KLRG1: variants seen among roughly 807,000 people sequenced by gnomAD.
KLRG1 encodes killer cell lectin-like receptor subfamily G member 1.
A neutral mutation model predicts 21.8 loss-of-function variants in KLRG1; 16 were observed. The ratio of observed to expected loss-of-function variants is 0.73; its 90% CI spans 0.50 to 1.11. The LOEUF (loss-of-function observed/expected upper bound fraction) is 1.11, where lower values mean the gene tolerates loss of function less well. Among genes scored for constraint, KLRG1 ranks in the 50% most tolerant of loss-of-function variants. KLRG1 has a pLI of 0.00. For synonymous variants in KLRG1, 69 were observed against 75.9 expected (o/e 0.91, Z 0.47); for missense variants, 173 against 218.3 (o/e 0.79, Z 1.31).
At chr12:8,983,671 G>C (rs1438727917) in intron 1 of KLRG1, among the ~76,000 whole-genome samples, 1 of 152,170 alleles carries the variant, frequency 6.6e-6, no homozygotes, top group East Asian at 1.9e-4. Flanking sequence ...AAAGTGGTGG[G>C]ATTACAGCCG....
At chr12:8,991,318 G>A (rs1344796100) in intron 1 of KLRG1, among the ~76,000 whole-genome samples, 1 of 152,172 alleles carries the variant, frequency 6.6e-6, no homozygotes, top group Non-Finnish European at 1.5e-5. Flanking sequence ...ACATGAAGTA[G>A]TGTCCTATTC....
the KLRG1 span, chr12:9,112,768 C>T: frequency 1.2e-5 from 6 of 512,490 alleles, no homozygotes; most frequent in African/African-American, 3.8e-5. Context: ...GTGAGATTCA[C>T]ACCTTCATAC....
At chr12:9,199,756 T>C in the KLRG1 span, among the ~76,000 whole-genome samples, 23 of 152,172 alleles carry the variant, frequency 1.5e-4, no homozygotes, top group South Asian at 4.1e-4. Flanking sequence ...GAGGAGGAAA[T>C]GGGACAAAAA....
At chr12:9,038,813 C>T in the KLRG1 span, among the ~76,000 whole-genome samples, 37 of 151,258 alleles carry the variant, frequency 2.4e-4, no homozygotes, top group Non-Finnish European at 3.8e-4. Flanking sequence ...ACAGGAAAAT[C>T]GCTTGATTCT....
the KLRG1 span, among the ~76,000 whole-genome samples, chr12:9,206,739 T>G: frequency 7.9e-5 from 12 of 152,182 alleles, no homozygotes; most frequent in South Asian, 1.0e-3. Flanking sequence ...ACACCCCTTC[T>G]GCTTGTGACA....
chr12:9,054,475 A>C, the KLRG1 span, among the ~76,000 whole-genome samples: 2 of 152,162 alleles, frequency 1.3e-5, no homozygotes, highest in African/African-American at 4.8e-5. Flanking sequence ...ATGTATTTAT[A>C]GGGTACATGT....
At chr12:9,155,146 G>A in the KLRG1 span, among the ~76,000 whole-genome samples, 3 of 152,124 alleles carry the variant, frequency 2.0e-5, no homozygotes, top group Admixed American at 6.5e-5. Context: ...TTTATTGTTC[G>A]TGATATTTTC....
the KLRG1 span, chr12:9,072,902 T>C: frequency 1.2e-5 from 19 of 1,583,896 alleles, no homozygotes; most frequent in African/African-American, 5.4e-5. Flanking sequence ...AGAGAACCCA[T>C]TGGGCATTAT....
chr12:9,200,809 C>T, the KLRG1 span: 3 of 1,412,296 alleles, frequency 2.1e-6, no homozygotes, highest in African/African-American at 4.3e-5. Context: ...TTCAACATAT[C>T]TACAGGAAAT....
the KLRG1 span, among the ~76,000 whole-genome samples, chr12:9,187,972 A>G: frequency 6.6e-6 from 1 of 152,266 alleles, no homozygotes; most frequent in Non-Finnish European, 1.5e-5. Context: ...TGGTGGCTGC[A>G]GTCCCAGGTT....
the KLRG1 span, among the ~76,000 whole-genome samples, chr12:9,173,511 T>A: frequency 6.6e-6 from 1 of 151,760 alleles, no homozygotes; most frequent in South Asian, 2.1e-4. Context: ...TGAAAAACCC[T>A]CTTAAAAAAA....
At chr12:9,176,952 G>C in the KLRG1 span, among the ~76,000 whole-genome samples, 90,326 of 152,004 alleles carry the variant, frequency 0.59, 27,776 homozygotes, top group East Asian at 0.83. Flanking sequence ...TTTAGCCTTT[G>C]AGCTGTTCCT....
the KLRG1 span, chr12:9,160,045 AT>A: frequency 6.3e-7 from 1 of 1,596,158 alleles, no homozygotes; most frequent in Non-Finnish European, 8.6e-7. Flanking sequence ...AAGGCTTCAG[AT>A]TGTTCATGAA....
chr12:9,007,571 C>T (rs1022743499), intron 3 of KLRG1, among the ~76,000 whole-genome samples: 2 of 152,090 alleles, frequency 1.3e-5, no homozygotes, highest in African/African-American at 4.8e-5. Flanking sequence ...GTGCCTGGCC[C>T]TCCCTTAACT....
chr12:9,049,255 T>C, the KLRG1 span, among the ~76,000 whole-genome samples: 3 of 152,038 alleles, frequency 2.0e-5, no homozygotes, highest in African/African-American at 7.2e-5. Context: ...ATTCCTATCC[T>C]CTGGGCCCAC....
At chr12:9,196,962 T>C in the KLRG1 span, 1 of 1,343,356 alleles carries the variant, frequency 7.4e-7, no homozygotes, top group Non-Finnish European at 1.1e-6. Flanking sequence ...AAATGGAGTC[T>C]CACTGGTTGT....
the KLRG1 span, chr12:9,202,390 G>A: frequency 1.1e-5 from 18 of 1,613,914 alleles, no homozygotes; most frequent in Middle Eastern, 1.6e-4. Flanking sequence ...GTAGTTCTCC[G>A]ATAAGATTCA....
the KLRG1 span, among the ~76,000 whole-genome samples, chr12:9,022,569 T>G: frequency 6.6e-6 from 1 of 152,128 alleles, no homozygotes; most frequent in African/African-American, 2.4e-5. Context: ...TGGAGGCTCC[T>G]AGATAGTTTT....
At chr12:9,145,005 G>T in the KLRG1 span, among the ~76,000 whole-genome samples, 1 of 152,166 alleles carries the variant, frequency 6.6e-6, no homozygotes, top group East Asian at 1.9e-4. Context: ...ACTCTCTTGT[G>T]ATTACCATTT....
Sources: gnomAD v4.1 joint callset for allele counts (sites outside exome capture counted in the v4.1 genomes callset) on GRCh38, gnomAD v4.1.1 for gene constraint, MANE v1.5 for transcripts, NCBI Gene and HGNC (gene_info 2026-07-23, HGNC 2026-07-21) for gene names.